Variants in NRG3 observed in about 807,000 individuals in gnomAD.
NRG3 encodes neuregulin 3.
Under a neutral mutation model 66.9 loss-of-function variants are expected in NRG3, and 31 were observed. The ratio of observed to expected loss-of-function variants is 0.46; its 90% CI spans 0.35 to 0.63. The LOEUF is 0.63. Among genes scored for constraint, NRG3 ranks in the 20% least tolerant of loss-of-function variants. NRG3 has a pLI of 0.00. For missense variants in NRG3, 910 were observed against 878.9 expected, an observed-to-expected ratio of 1.04 and a Z score of -0.45; for synonymous variants, 393 against 359.4, an observed-to-expected ratio of 1.09 and a Z score of -1.06.
At chr10:81,962,924 C>A (rs1181456538) in intron 1 of NRG3, among the ~76,000 whole-genome samples, 1 of 152,100 alleles carries the variant, frequency 6.6e-6, no homozygotes, top group Non-Finnish European at 1.5e-5. Context: ...GTGGAAGCTG[C>A]CAGGCCAGTT....
chr10:81,916,382 T>C (rs1428645545), intron 1 of NRG3, among the ~76,000 whole-genome samples: 2 of 152,178 alleles, frequency 1.3e-5, no homozygotes, highest in Non-Finnish European at 2.9e-5. Flanking sequence ...TAATAAATAG[T>C]ATAAGTAAAG....
At chr10:81,958,558 T>G (rs569819876) in intron 1 of NRG3, among the ~76,000 whole-genome samples, 1 of 151,546 alleles carries the variant, frequency 6.6e-6, no homozygotes, top group South Asian at 2.1e-4. Context: ...TGGGGAGGAG[T>G]GAAAAAATTT....
chr10:81,890,825 C>T (rs1255986302), intron 1 of NRG3, among the ~76,000 whole-genome samples: 1 of 152,142 alleles, frequency 6.6e-6, no homozygotes, highest in South Asian at 2.1e-4. Context: ...TCTATGCAAG[C>T]AAGCCATTGA....
intron 1 of NRG3, among the ~76,000 whole-genome samples, chr10:82,345,877 G>T (rs980602827): frequency 2.6e-5 from 4 of 151,372 alleles, no homozygotes; most frequent in East Asian, 3.9e-4. Context: ...TCTGTTGTTG[G>T]TGTATAAGAA....
At chr10:82,481,380 G>T (rs1176406908) in intron 2 of NRG3, among the ~76,000 whole-genome samples, 1 of 151,948 alleles carries the variant, frequency 6.6e-6, no homozygotes, top group African/African-American at 2.4e-5. Flanking sequence ...CCCCTTATTT[G>T]CCAGGTTCCA....
intron 2 of NRG3, among the ~76,000 whole-genome samples, chr10:82,470,653 C>T (rs1236190252): frequency 6.6e-6 from 1 of 152,216 alleles, no homozygotes; most frequent in African/African-American, 2.4e-5. Flanking sequence ...CCAGGTTAAA[C>T]AGCAATGCTG....
intron 2 of NRG3, among the ~76,000 whole-genome samples, chr10:82,498,366 C>T (rs949144724): frequency 1.3e-5 from 2 of 151,952 alleles, no homozygotes; most frequent in Admixed American, 1.3e-4. Flanking sequence ...TTCCACAGCA[C>T]GTTTTATATG....
intron 3 of NRG3, among the ~76,000 whole-genome samples, chr10:82,739,581 C>T (rs1413008947): frequency 6.6e-6 from 1 of 152,178 alleles, no homozygotes; most frequent in Non-Finnish European, 1.5e-5. Context: ...CATCTTCCAA[C>T]ATCTTTTCAA....
At chr10:82,598,536 T>C (rs11195184) in intron 2 of NRG3, among the ~76,000 whole-genome samples, 3 of 152,254 alleles carry the variant, frequency 2.0e-5, no homozygotes, top group East Asian at 1.9e-4. Flanking sequence ...AAGCCTGCCA[T>C]AGAGTAGCAA....
intron 1 of NRG3, among the ~76,000 whole-genome samples, chr10:82,235,850 T>C (rs1014709894): frequency 6.6e-6 from 1 of 152,220 alleles, no homozygotes; most frequent in Non-Finnish European, 1.5e-5. Flanking sequence ...CGTTTTATCA[T>C]GCATGAATGA....
chr10:82,332,526 C>A (rs2082185875), intron 1 of NRG3, among the ~76,000 whole-genome samples: 1 of 152,174 alleles, frequency 6.6e-6, no homozygotes, highest in African/African-American at 2.4e-5. Flanking sequence ...CCATGATCAG[C>A]CGCTGACCCA....
At chr10:82,911,762 T>C (rs1248949952) in intron 4 of NRG3, among the ~76,000 whole-genome samples, 2 of 151,748 alleles carry the variant, frequency 1.3e-5, no homozygotes. Flanking sequence ...CTAGTTTTTA[T>C]TATTTCTCTT....
intron 4 of NRG3, among the ~76,000 whole-genome samples, chr10:82,926,141 C>T (rs1846974119): frequency 6.6e-6 from 1 of 152,054 alleles, no homozygotes; most frequent in African/African-American, 2.4e-5. Flanking sequence ...CACCAAGTTC[C>T]AAAAAACGAA....
chr10:82,530,613 A>T (rs889201769), intron 2 of NRG3, among the ~76,000 whole-genome samples: 5 of 151,972 alleles, frequency 3.3e-5, no homozygotes, highest in Non-Finnish European at 7.4e-5. Context: ...TAATAAAATT[A>T]TGCATTCCAA....
intron 1 of NRG3, among the ~76,000 whole-genome samples, chr10:81,884,264 A>C (rs1374939817): frequency 6.6e-6 from 1 of 152,178 alleles, no homozygotes; most frequent in Non-Finnish European, 1.5e-5. Flanking sequence ...GGCATTTGCC[A>C]CTGTAAACTC....
intron 1 of NRG3, among the ~76,000 whole-genome samples, chr10:82,041,826 C>G (rs200718894): frequency 1.9e-4 from 28 of 150,844 alleles, no homozygotes; most frequent in Admixed American, 3.3e-4. Flanking sequence ...CTCTCTCTCT[C>G]TCTGTCTATT....
At chr10:82,938,919 A>T (rs548777814) in intron 4 of NRG3, among the ~76,000 whole-genome samples, 4 of 152,344 alleles carry the variant, frequency 2.6e-5, no homozygotes, top group African/African-American at 9.6e-5. Context: ...AGTGGGGGAC[A>T]GCTATTATAG....
intron 4 of NRG3, among the ~76,000 whole-genome samples, chr10:82,900,855 T>C (rs567011708): frequency 8.6e-4 from 131 of 152,316 alleles, no homozygotes; most frequent in Non-Finnish European, 1.6e-3. Context: ...ACTGCATTAG[T>C]TTAAAGGAAA....
chr10:82,564,875 A>G (rs2045292643), intron 2 of NRG3, among the ~76,000 whole-genome samples: 1 of 152,138 alleles, frequency 6.6e-6, no homozygotes, highest in African/African-American at 2.4e-5. Flanking sequence ...ACAAGACAAA[A>G]GGCACCTTCC....
Sources: gnomAD v4.1 joint callset for allele counts (sites outside exome capture counted in the v4.1 genomes callset) on GRCh38, gnomAD v4.1.1 for gene constraint, MANE v1.5 for transcripts, NCBI Gene and HGNC (gene_info 2026-07-23, HGNC 2026-07-21) for gene names.